Variants in PEDS1 observed in about 807,000 individuals in gnomAD.
The protein encoded by PEDS1 is CarF homolog.
Under a neutral mutation model 35.2 loss-of-function variants are expected in PEDS1, and 14 were observed. The ratio of observed to expected loss-of-function variants is 0.40; its 90% confidence interval spans 0.26 to 0.62. The LOEUF is 0.62. PEDS1 is among the 20% of genes least tolerant of loss of function. The pLI is 0.44. For synonymous variants in PEDS1, 152 were observed against 152.0 expected, an observed-to-expected ratio of 1.00 and a Z score of 0.00; for missense variants, 260 against 367.8, an observed-to-expected ratio of 0.71 and a Z score of 2.40.
At chr20:50,139,757 G>T (rs1469309602) in intron 2 of PEDS1, among the ~76,000 whole-genome samples, 2 of 149,322 alleles carry the variant, frequency 1.3e-5, no homozygotes, top group African/African-American at 4.9e-5. Context: ...TTGGCTCACT[G>T]CAACCTCTGC....
chr20:50,153,699 C>A lies in PEDS1; in HGVS notation c.-62G>T. 1.7e-6 allele frequency: 2 copies of A among 1,177,286 alleles called. No individual in the cohort carries two copies. Among genetic ancestry groups the A allele is most frequent in the Non-Finnish European group, 2.1e-6 (2 of 953,444 alleles). 72.9% of individuals were successfully genotyped at this position (1,177,286 alleles called of 1,614,324 possible). ...CGGCGGCGGCGGCAGGGCCGCGGAA[C>A]CGCGGCGAGATCACGCCGCCCAATG... On this transcript the variant is annotated 5_prime_UTR_variant, in exon 1 of 6. Transcript: ENST00000371652.
rs138028944 is a variant in PEDS1, at chr20:50,128,205, G to T, written c.479-18C>A. ...CAGGGCTTCTGCAGGTTGGGGAGAGGGGGGGCCGGCACAGCTGTCACTCGG... is the reference window on the plus strand; with the variant it reads ...CAGGGCTTCTGCAGGTTGGGGAGAGTGGGGGCCGGCACAGCTGTCACTCGG... On this transcript the variant is annotated intron_variant, in intron 4 of 5. Transcript: ENST00000371652. This position sits in a 1 kb window ranked among gnomAD's most constrained non-coding sequence, Gnocchi z 5.2. 1,675 of 1,613,324 alleles carry T rather than the reference G, an allele frequency of 1.0e-3. 10 individuals carry two copies. The highest frequency in any genetic ancestry group is 7.4e-3 in the African/African-American group (552 of 74,972).
intron 2 of PEDS1, among the ~76,000 whole-genome samples, chr20:50,138,382 C>T (rs1193137558): frequency 2.0e-5 from 3 of 152,202 alleles, no homozygotes; most frequent in African/African-American, 4.8e-5. Context: ...AGGGAGACTT[C>T]GCACCCAGGT....
rs202076492 is a variant in PEDS1, at chr20:50,143,468, A to T, written c.241+34T>A. 52 of 1,584,136 alleles carry T rather than the reference A, an allele frequency of 3.3e-5. 1 individual carries two copies. The East Asian group carries it at 6.8e-4, about 21-fold the overall frequency. ...CCGGTGGGTCCCTGGCCCCTAGGGA[A>T]GTTGAGGCAGGCAGCAGTGCCTCGG... On this transcript the variant is annotated intron_variant, in intron 2 of 5. Coordinates refer to ENST00000371652, the MANE Select transcript of PEDS1 (RefSeq NM_199129.4).
Position 50,122,245 on chromosome 20 carries a change from C to T in PEDS1, c.*2813G>A, listed in dbSNP as rs1254217883. 5.9e-5 allele frequency: 9 copies of T among 152,142 alleles called. No individual in the cohort carries two copies. The highest frequency in any genetic ancestry group is 5.9e-4 in the Admixed American group (9 of 15,282). The allele number at this position is 152,142 out of a possible 1,614,324, so 9.4% of individuals were successfully genotyped here. A position where few individuals can be genotyped will look rare whatever the true frequency, so the allele number is the denominator to read the frequency against. On this transcript the variant is annotated 3_prime_UTR_variant, in exon 6 of 6. Transcript: ENST00000371652. ...AATTCAGAACACCTGTAGACTTTTC[C>T]GTTTTATGAGCTAATACGATTATTT... is the stretch of plus-strand genomic sequence containing the variant.
chr20:50,124,975 A>G lies in PEDS1; in HGVS notation c.*83T>C, dbSNP rs200095641. Reference sequence around the variant, plus strand: ...GATGTCCTCTCCATCTGGAGGGGCCAGCTCAAAGAGGCTGGAATTTGGCAG... The same window carrying G: ...GATGTCCTCTCCATCTGGAGGGGCCGGCTCAAAGAGGCTGGAATTTGGCAG... On this transcript the variant is annotated 3_prime_UTR_variant, in exon 6 of 6. Coordinates refer to ENST00000371652, the MANE Select transcript of PEDS1 (RefSeq NM_199129.4). The G allele has an allele frequency of 1.2e-5, 19 of 1,572,448 alleles. No homozygotes were observed. Among genetic ancestry groups the G allele is most frequent in the Non-Finnish European group, 1.6e-5 (18 of 1,153,098 alleles).
chr20:50,131,231 G>A (rs2081175985), intron 2 of PEDS1: 2 of 665,902 alleles, frequency 3.0e-6, no homozygotes, highest in South Asian at 3.6e-5. Flanking sequence ...ATTAGGAGCA[G>A]GCTGTGCCCT....
intron 5 of PEDS1, among the ~76,000 whole-genome samples, chr20:50,125,900 AT>A (rs1033894193): frequency 6.6e-6 from 1 of 151,894 alleles, no homozygotes; most frequent in Non-Finnish European, 1.5e-5. Flanking sequence ...TCTATTTACA[AT>A]TTTTTTAATG....
rs1320655106 is a variant in PEDS1 at position 50,120,102 on chromosome 20, A to T, written c.*4956T>A. On this transcript the variant is annotated 3_prime_UTR_variant, in exon 6 of 6. Transcript: ENST00000371652. The stretch of plus-strand genomic sequence containing the variant: ...GCAACATAGCGAGACCCCATCTCTA[A>T]AAAAAAAAAAAAATTAGCTGGATGT... 1 of 2,228 alleles carries T rather than the reference A, an allele frequency of 4.5e-4. No individual in the cohort carries two copies. The highest frequency in any genetic ancestry group is 6.0e-4 in the Non-Finnish European group (1 of 1,670). The allele number at this position is 2,228 out of a possible 1,614,324, so 0.1% of individuals were successfully genotyped here.
Position 50,120,297 on chromosome 20 carries a change from A to AAACAAACC in PEDS1, c.*4760_*4761insGGTTTGTT, listed in dbSNP as rs1478982639. ...CAAACAAACAAACAAACAAACAAAC[A>AAACAAACC]ACCCACAAAAGCTTCTGAGCTATAG... On this transcript the variant is annotated 3_prime_UTR_variant, in exon 6 of 6. Transcript: ENST00000371652. The AAACAAACC allele has an allele frequency of 9.2e-6, 2 of 216,924 alleles. No individual in the cohort carries two copies. Among genetic ancestry groups the AAACAAACC allele is most frequent in the African/African-American group, 4.6e-5 (2 of 43,490 alleles). 13.4% of individuals were successfully genotyped at this position (216,924 alleles called of 1,614,324 possible). A position where few individuals can be genotyped will look rare whatever the true frequency, so the allele number is the denominator to read the frequency against.
intron 1 of PEDS1, among the ~76,000 whole-genome samples, chr20:50,149,259 ACCCT>A (rs1294165464): frequency 6.6e-6 from 1 of 152,048 alleles, no homozygotes; most frequent in Non-Finnish European, 1.5e-5. Context: ...TACTCCTGAC[ACCCT>A]CCACCTTTCC....
At position 50,120,273 on chromosome 20, in the gene PEDS1, A is replaced by AAACAAACG; in HGVS notation, c.*4784_*4785insCGTTTGTT. ...GAGCAAGACCCTGTCTCTAAAAAAC[A>AAACAAACG]AACAAACAAACAAACAAACAAACAA... is the stretch of plus-strand genomic sequence containing the variant. On this transcript the variant is annotated 3_prime_UTR_variant, in exon 6 of 6. Coordinates refer to ENST00000371652, the MANE Select transcript of PEDS1 (RefSeq NM_199129.4). 4.7e-6 allele frequency: 1 copy of AAACAAACG among 211,908 alleles called. No homozygotes were observed. Among genetic ancestry groups the AAACAAACG allele is most frequent in the Non-Finnish European group, 9.6e-6 (1 of 103,778 alleles). The allele number at this position is 211,908 out of a possible 1,614,324, so 13.1% of individuals were successfully genotyped here.
chr20:50,129,276 C>T lies in PEDS1; in HGVS notation c.478+270G>A, dbSNP rs565886490. 6.6e-6 allele frequency among the ~76,000 whole-genome samples: 1 copy of T among 152,098 alleles called. No individual in the cohort carries two copies. The highest frequency in any genetic ancestry group is 2.4e-5 in the African/African-American group (1 of 41,412). ...TGGGGACGGTGGTAAACTGGAAAGA[C>T]GCGTCCTGTCAAAGGCAGTGGCTGC... On this transcript the variant is annotated intron_variant, in intron 4 of 5. Transcript: ENST00000371652. The surrounding 1 kb of genome is among the most constrained non-coding windows in gnomAD (Gnocchi z 4.2).
In PEDS1 at chr20:50,129,398, C is replaced by T; in HGVS notation, c.478+148G>A. ...AAGCTGGAAACCTCCATCTTCATGTCAGGTTTCCTGATTTTACATGAAGAC... is the reference window on the plus strand; with the variant it reads ...AAGCTGGAAACCTCCATCTTCATGTTAGGTTTCCTGATTTTACATGAAGAC... On this transcript the variant is annotated intron_variant, in intron 4 of 5. Coordinates refer to ENST00000371652, the MANE Select transcript of PEDS1 (RefSeq NM_199129.4). The surrounding 1 kb of genome is among the most constrained non-coding windows in gnomAD (Gnocchi z 4.2). 3 of 1,281,172 alleles carry T rather than the reference C, an allele frequency of 2.3e-6. No homozygotes were observed. Among genetic ancestry groups the T allele is most frequent in the South Asian group, 1.6e-5 (1 of 64,314 alleles). The allele number at this position is 1,281,172 out of a possible 1,614,324, so 79.4% of individuals were successfully genotyped here. A position where few individuals can be genotyped will look rare whatever the true frequency, so the allele number is the denominator to read the frequency against.
At chr20:50,143,351 G>A in intron 2 of PEDS1, 151 bp downstream of exon 2, 4 of 1,298,862 alleles carry the variant, frequency 3.1e-6, no homozygotes, top group Non-Finnish European at 2.1e-6. Flanking sequence ...GGGAGGTGCT[G>A]CTGACTGCAA....
rs926170197 is a variant in PEDS1 at position 50,128,109 on chromosome 20, T to G, written c.557A>C (p.His186Pro). Residue 186 changes from histidine to proline, a missense_variant, in exon 5 of 6, where the codon CAC (histidine) becomes CCC (proline). Coordinates refer to ENST00000371652, the MANE Select transcript of PEDS1 (RefSeq NM_199129.4). This position sits in a 1 kb window ranked among gnomAD's most constrained non-coding sequence, Gnocchi z 5.2. ...CCCAAAGTACGTGTGCGACCACTTG[T>G]GGATCTGGTTGGTGAAGGTGCCGAA... is the stretch of plus-strand genomic sequence containing the variant. ...IIFGTFTNQI[H>P]KWSHTYFGLP... 1 of 1,614,050 alleles carries G rather than the reference T, an allele frequency of 6.2e-7. No individual in the cohort carries two copies. The highest frequency in any genetic ancestry group is 1.3e-5 in the African/African-American group (1 of 74,916).
intron 1 of PEDS1, among the ~76,000 whole-genome samples, chr20:50,145,140 T>C (rs1198917416): frequency 1.3e-5 from 2 of 151,976 alleles, no homozygotes; most frequent in Non-Finnish European, 2.9e-5. Flanking sequence ...AGGTGGAGAT[T>C]GCAGGGAGCT....
At chr20:50,142,596 G>A (rs1035729829) in intron 2 of PEDS1, among the ~76,000 whole-genome samples, 5 of 151,248 alleles carry the variant, frequency 3.3e-5, no homozygotes, top group East Asian at 1.9e-4. Flanking sequence ...CTGCCACCAC[G>A]GCCGGCTAAT....
intron 2 of PEDS1, among the ~76,000 whole-genome samples, chr20:50,138,148 C>T (rs979051901): frequency 6.6e-6 from 1 of 152,202 alleles, no homozygotes; most frequent in Non-Finnish European, 1.5e-5. Flanking sequence ...CTGCCCCATC[C>T]TTCTGTAAGT....
Sources: gnomAD v4.1 joint callset for allele counts (sites outside exome capture counted in the v4.1 genomes callset) on GRCh38, gnomAD v4.1.1 for gene constraint, Gnocchi (gnomAD v3.1) non-coding constraint, MANE v1.5 for transcripts, NCBI Gene and HGNC (gene_info 2026-07-23, HGNC 2026-07-21) for gene names.